The following COL4A2 variants were observed in gnomAD, a reference collection of about 807,000 sequenced individuals.
The protein encoded by COL4A2 is collagen alpha-2(IV) chain.
A neutral mutation model predicts 200.2 loss-of-function variants in COL4A2; 99 were observed. The observed-to-expected ratio is 0.49, with a 90% CI of 0.42 to 0.58. The LOEUF (loss-of-function observed/expected upper bound fraction) is 0.58, where lower values mean the gene tolerates loss of function less well. Ranked by LOEUF, COL4A2 falls within the 20% of genes least tolerant of loss-of-function variation. The probability of loss-of-function intolerance (pLI) is 0.00; values close to 1 mark genes in which losing one functional copy is unlikely to be tolerated. For missense variants in COL4A2, 1,950 were observed against 2,314.1 expected, an observed-to-expected ratio of 0.84 and a Z score of 3.23; for synonymous variants, 897 against 900.6, an observed-to-expected ratio of 1.00 and a Z score of 0.07.
chr13:110,429,867 A>G lies in COL4A2; in HGVS notation c.478-18A>G, dbSNP rs753463828. 133 of 1,612,338 alleles carry G rather than the reference A, an allele frequency of 8.2e-5. No homozygotes were observed. The highest frequency in any genetic ancestry group is 1.7e-4 in the Admixed American group (10 of 59,862). ...TCTTTTTGTTGTTTTTTCTTTTTAC[A>G]ATATATCTGCTAATTAGGGGCCCCA... On this transcript the variant is annotated intron_variant, in intron 7 of 47. Coordinates refer to ENST00000360467, the MANE Select transcript of COL4A2 (RefSeq NM_001846.4).
chr13:110,397,874 A>G (rs569445700), intron 4 of COL4A2, among the ~76,000 whole-genome samples: 32 of 152,348 alleles, frequency 2.1e-4, no homozygotes, highest in African/African-American at 7.7e-4. Flanking sequence ...CAACAGAAAG[A>G]GTCACAAACG....
At chr13:110,487,039 C>G (rs12866980) in intron 34 of COL4A2, among the ~76,000 whole-genome samples, 13,820 of 152,282 alleles carry the variant, frequency 0.091, 931 homozygotes, top group African/African-American at 0.19. Context: ...GCCTGTGTGT[C>G]TGTCTGGCCC....
intron 28 of COL4A2, among the ~76,000 whole-genome samples, chr13:110,471,607 G>A (rs1017429222): frequency 6.6e-6 from 1 of 152,178 alleles, no homozygotes; most frequent in Non-Finnish European, 1.5e-5. Context: ...TTCATTGTGA[G>A]TAAATCACAC....
chr13:110,414,445 G>A (rs375607262), intron 4 of COL4A2, among the ~76,000 whole-genome samples: 7 of 152,204 alleles, frequency 4.6e-5, no homozygotes, highest in Admixed American at 1.3e-4. Context: ...GTACTTTGGC[G>A]GCCAGCCCAG....
intron 4 of COL4A2, among the ~76,000 whole-genome samples, chr13:110,413,901 T>TG (rs1214907885): frequency 6.6e-6 from 1 of 152,224 alleles, no homozygotes; most frequent in Non-Finnish European, 1.5e-5. Context: ...CCAGGTGCTG[T>TG]GGGTGAGAGG....
chr13:110,476,365 A>G (rs1289044508), intron 29 of COL4A2, among the ~76,000 whole-genome samples: 1 of 152,186 alleles, frequency 6.6e-6, no homozygotes, highest in Non-Finnish European at 1.5e-5. Context: ...TCACAGTACT[A>G]CAGGAGGAGG....
chr13:110,312,973 A>G (rs903734525), intron 3 of COL4A2, among the ~76,000 whole-genome samples: 3 of 152,312 alleles, frequency 2.0e-5, no homozygotes, highest in African/African-American at 4.8e-5. Context: ...CAGGTGTGCT[A>G]AGACCTGTGA....
intron 3 of COL4A2, among the ~76,000 whole-genome samples, chr13:110,316,883 G>GATT (rs1189960203): frequency 6.6e-6 from 1 of 152,130 alleles, no homozygotes. Context: ...TGTGGTACAT[G>GATT]TAAAACATAG....
At chr13:110,394,303 T>C (rs1457141449) in intron 4 of COL4A2, among the ~76,000 whole-genome samples, 1 of 152,180 alleles carries the variant, frequency 6.6e-6, no homozygotes, top group African/African-American at 2.4e-5. Flanking sequence ...TTTTCCCCCT[T>C]TAACATGAGG....
chr13:110,432,939 C>T (rs1880735786), intron 11 of COL4A2, among the ~76,000 whole-genome samples: 1 of 152,238 alleles, frequency 6.6e-6, no homozygotes, highest in Admixed American at 6.5e-5. Context: ...AACTAGGGTT[C>T]CTTATTATCT....
chr13:110,417,197 C>T (rs1880077072), intron 4 of COL4A2, among the ~76,000 whole-genome samples: 1 of 152,102 alleles, frequency 6.6e-6, no homozygotes, highest in Non-Finnish European at 1.5e-5. Flanking sequence ...GCCAGTGATC[C>T]GCCTGCCTCA....
At chr13:110,339,731 A>G (rs1356357421) in intron 3 of COL4A2, among the ~76,000 whole-genome samples, 1 of 152,244 alleles carries the variant, frequency 6.6e-6, no homozygotes, top group African/African-American at 2.4e-5. Flanking sequence ...ACCTGGGACC[A>G]TAATAGATGC....
intron 3 of COL4A2, among the ~76,000 whole-genome samples, chr13:110,325,080 A>C (rs1332490568): frequency 6.6e-6 from 1 of 152,182 alleles, no homozygotes; most frequent in South Asian, 2.1e-4. Context: ...ATCGTAACTG[A>C]CTGTATGAAA....
intron 3 of COL4A2, among the ~76,000 whole-genome samples, chr13:110,342,035 C>A (rs978821646): frequency 6.6e-6 from 1 of 152,172 alleles, no homozygotes; most frequent in South Asian, 2.1e-4. Context: ...TAGTGACGAA[C>A]AGAGAATGGG....
Position 110,424,856 on chromosome 13 carries a change from C to G in COL4A2, c.303C>G (p.Pro101=). ...GERGAPGVTG[P]KGDVGARGVS... The stretch of plus-strand genomic sequence containing the variant: ...GGGGAGCCCCCGGAGTAACGGGACC[C>G]AAGGGCGACGTGGTACGCACCGCTG... The change falls in exon 5 of 48, where the codon CCC becomes CCG. Residue 101 remains proline, a synonymous_variant. Transcript: ENST00000360467. 6.2e-7 allele frequency: 1 copy of G among 1,614,162 alleles called. No homozygotes were observed.
chr13:110,507,826 G>A (rs1883936967), intron 46 of COL4A2, 109 bp from the exon 47 acceptor site: 1 of 1,172,922 alleles, frequency 8.5e-7, no homozygotes, highest in Non-Finnish European at 1.2e-6. Flanking sequence ...AACTCCACCA[G>A]GTGCCCTGGG....
At chr13:110,325,291 A>G (rs555777860) in intron 3 of COL4A2, among the ~76,000 whole-genome samples, 70 of 152,264 alleles carry the variant, frequency 4.6e-4, no homozygotes, top group African/African-American at 1.6e-3. Flanking sequence ...TTCTCTTTGA[A>G]ATGAAGTCAA....
At chr13:110,308,596 G>A (rs3809346) in intron 3 of COL4A2, among the ~76,000 whole-genome samples, 63,381 of 151,856 alleles carry the variant, frequency 0.42, 13,349 homozygotes, top group Middle Eastern at 0.55. Context: ...GGAGGCGAAC[G>A]AGACAACCTT....
chr13:110,391,212 C>T (rs1878970825), intron 4 of COL4A2, among the ~76,000 whole-genome samples: 3 of 152,158 alleles, frequency 2.0e-5, no homozygotes. Context: ...TAACCCACTG[C>T]CTGTATCAAA....
Sources: allele counts gnomAD v4.1 joint callset (sites outside exome capture counted in the v4.1 genomes callset), GRCh38; gene constraint gnomAD v4.1.1; transcripts MANE v1.5; gene names NCBI Gene and HGNC (gene_info 2026-07-23, HGNC 2026-07-21).